The following CFAP61 variants were observed in gnomAD, a reference collection of about 807,000 sequenced individuals.
The protein encoded by CFAP61 is cilia and flagella associated protein 61, also known as cilia- and flagella-associated protein 61.
In CFAP61, 107 loss-of-function variants were observed where a neutral mutation model predicts 135.6. The ratio of observed to expected loss-of-function variants is 0.79; its 90% CI spans 0.67 to 0.93. CFAP61 has a LOEUF of 0.93. CFAP61 is among the 40% of genes least tolerant of loss of function. The probability of loss-of-function intolerance (pLI) is 0.00; values close to 1 mark genes in which losing one functional copy is unlikely to be tolerated. For synonymous variants in CFAP61, 575 were observed against 578.5 expected (o/e 0.99, Z 0.09); for missense variants, 1,507 against 1,556.2 (o/e 0.97, Z 0.53).
At chr20:20,158,168 C>A (rs2053098477) in intron 9 of CFAP61, among the ~76,000 whole-genome samples, 1 of 151,408 alleles carries the variant, frequency 6.6e-6, no homozygotes, top group Non-Finnish European at 1.5e-5. Flanking sequence ...GTGCAGCGCA[C>A]CACCATGGCA....
intron 18 of CFAP61, among the ~76,000 whole-genome samples, chr20:20,244,506 C>T (rs977533619): frequency 6.6e-6 from 1 of 152,192 alleles, no homozygotes; most frequent in Non-Finnish European, 1.5e-5. Context: ...CTCTTTCAGC[C>T]ATGGCTGGAG....
At chr20:20,260,442 A>T (rs1246892218) in intron 20 of CFAP61, among the ~76,000 whole-genome samples, 2 of 152,246 alleles carry the variant, frequency 1.3e-5, no homozygotes, top group South Asian at 2.1e-4. Context: ...CTCTGTGCAG[A>T]CAAATTTATT....
chr20:20,119,932 G>A (rs1212923370), intron 8 of CFAP61, among the ~76,000 whole-genome samples: 2 of 152,146 alleles, frequency 1.3e-5, no homozygotes, highest in Admixed American at 6.5e-5. Flanking sequence ...TAAGGATAAC[G>A]GCATCCAGCT....
chr20:20,193,607 TATA>T (rs1433673817), intron 15 of CFAP61, among the ~76,000 whole-genome samples: 1 of 151,918 alleles, frequency 6.6e-6, no homozygotes, highest in Non-Finnish European at 1.5e-5. Context: ...TTCAAATTAT[TATA>T]ATAATTATTA....
intron 8 of CFAP61, among the ~76,000 whole-genome samples, chr20:20,099,295 T>A (rs1353103382): frequency 2.6e-5 from 4 of 152,356 alleles, no homozygotes; most frequent in East Asian, 1.9e-4. Flanking sequence ...CAAGTAGTCA[T>A]TTTTAACTTG....
chr20:20,194,239 T>C (rs2056128623), intron 15 of CFAP61, among the ~76,000 whole-genome samples: 1 of 152,214 alleles, frequency 6.6e-6, no homozygotes, highest in Admixed American at 6.5e-5. Context: ...AACATATATA[T>C]GTTACATTTT....
At chr20:20,080,403 G>C (rs1223213762) in intron 6 of CFAP61, among the ~76,000 whole-genome samples, 1 of 152,036 alleles carries the variant, frequency 6.6e-6, no homozygotes, top group Non-Finnish European at 1.5e-5. Context: ...AATTCATTTA[G>C]CTCTTGCTTA....
intron 17 of CFAP61, among the ~76,000 whole-genome samples, chr20:20,223,316 A>G (rs555420405): frequency 6.6e-6 from 1 of 152,326 alleles, no homozygotes; most frequent in Admixed American, 6.5e-5. Flanking sequence ...ATATTTAGGA[A>G]AAAGAGGCTC....
chr20:20,196,587 G>T lies in CFAP61; in HGVS notation c.1608G>T (p.Arg536=), dbSNP rs149981124. The T allele has an allele frequency of 2.2e-5, 36 of 1,613,556 alleles. No homozygotes were observed. The African/African-American group carries it at 2.5e-4, about 11-fold the overall frequency. Residue 536 remains arginine (R), a synonymous_variant, in exon 16 of 27, where the codon CGG becomes CGT. Coordinates refer to ENST00000245957, the MANE Select transcript of CFAP61 (RefSeq NM_015585.4). ...TTCTGTAGGACATTGAGTACATACGGTCCCATTACAACATTGAAGATTTCA... is the reference window on the plus strand; with the variant it reads ...TTCTGTAGGACATTGAGTACATACGTTCCCATTACAACATTGAAGATTTCA... The part of the protein sequence containing the change: ...IRNEMDIEYI[R]SHYNIEDFIY...
At chr20:20,130,188 CT>C (rs2050401330) in intron 8 of CFAP61, among the ~76,000 whole-genome samples, 1 of 151,482 alleles carries the variant, frequency 6.6e-6, no homozygotes, top group South Asian at 2.1e-4. Flanking sequence ...ACTCAGGAGG[CT>C]GAGGCAGGAG....
intron 13 of CFAP61, among the ~76,000 whole-genome samples, chr20:20,173,297 G>A (rs1459655632): frequency 6.6e-6 from 1 of 152,226 alleles, no homozygotes; most frequent in Non-Finnish European, 1.5e-5. Context: ...AACTACCAAA[G>A]AGTGCAATTG....
At chr20:20,211,272 G>A (rs183718051) in intron 17 of CFAP61, among the ~76,000 whole-genome samples, 28 of 152,332 alleles carry the variant, frequency 1.8e-4, no homozygotes, top group Middle Eastern at 3.4e-3. Context: ...GGCCTTGGTC[G>A]AGTGGGCAGG....
Position 20,358,079 on chromosome 20 carries a change from G to A in CFAP61, c.3514-2131G>A, listed in dbSNP as rs1314895885. On this transcript the variant is annotated intron_variant, in intron 26 of 26. Transcript: ENST00000245957. Reference sequence around the variant, plus strand: ...GTGAGGGGAGGTGGTCACACTGAGGGGAGGTGGTCACACTGTGAGGGGAGG... The same window carrying A: ...GTGAGGGGAGGTGGTCACACTGAGGAGAGGTGGTCACACTGTGAGGGGAGG... 6.1e-5 allele frequency among the ~76,000 whole-genome samples: 9 copies of A among 146,458 alleles called. No individual in the cohort carries two copies. In the East Asian group the frequency reaches 6.2e-4, roughly 10 times the overall value.
chr20:20,269,308 A>G (rs896158066), intron 21 of CFAP61, among the ~76,000 whole-genome samples: 3 of 150,540 alleles, frequency 2.0e-5, no homozygotes, highest in Middle Eastern at 3.2e-3. Context: ...ATGCATAGAC[A>G]TAATTTAAAA....
intron 20 of CFAP61, chr20:20,253,586 T>C: frequency 2.0e-6 from 1 of 492,752 alleles, no homozygotes; most frequent in Non-Finnish European, 4.0e-6. Context: ...GCAGCAAACA[T>C]TCAGCACTCT....
intron 15 of CFAP61, among the ~76,000 whole-genome samples, chr20:20,192,535 T>C (rs954841132): frequency 1.3e-5 from 2 of 152,086 alleles, no homozygotes; most frequent in Non-Finnish European, 2.9e-5. Context: ...TGATACTCTT[T>C]TGGATTCCTG....
At chr20:20,204,289 A>C (rs2056764782) in intron 17 of CFAP61, among the ~76,000 whole-genome samples, 1 of 152,068 alleles carries the variant, frequency 6.6e-6, no homozygotes, top group Admixed American at 6.6e-5. Context: ...AATTCTTTGG[A>C]GGCCTCCATT....
At chr20:20,095,070 A>G (rs2047469777) in intron 7 of CFAP61, among the ~76,000 whole-genome samples, 2 of 152,234 alleles carry the variant, frequency 1.3e-5, no homozygotes, top group Non-Finnish European at 2.9e-5. Context: ...AAAGTTAATA[A>G]ATACTTGAAA....
chr20:20,335,228 AG>A (rs1288508634), intron 25 of CFAP61, among the ~76,000 whole-genome samples: 3 of 152,192 alleles, frequency 2.0e-5, no homozygotes, highest in African/African-American at 7.2e-5. Context: ...TGGAGTCTAG[AG>A]TGATAAACAT....
Sources: gnomAD v4.1 joint callset for allele counts (sites outside exome capture counted in the v4.1 genomes callset) on GRCh38, gnomAD v4.1.1 for gene constraint, MANE v1.5 for transcripts, NCBI Gene and HGNC (gene_info 2026-07-23, HGNC 2026-07-21) for gene names.